The following CASTOR2 variants were observed in gnomAD, a reference collection of about 807,000 sequenced individuals.
CASTOR2 encodes GATS protein like 2.
A neutral mutation model predicts 31.2 loss-of-function variants in CASTOR2; 8 were observed. The observed-to-expected ratio is 0.26, with a 90% CI of 0.15 to 0.46. CASTOR2 has a LOEUF of 0.46. CASTOR2 is among the 20% of genes least tolerant of loss of function. The pLI, the probability that CASTOR2 is intolerant of heterozygous loss-of-function variation, is 0.99. For synonymous variants in CASTOR2, 162 were observed against 158.7 expected, an observed-to-expected ratio of 1.02 and a Z score of -0.16; for missense variants, 216 against 382.1, an observed-to-expected ratio of 0.57 and a Z score of 3.62.
chr7:75,028,157 G>C lies in CASTOR2; in HGVS notation c.*3458G>C, dbSNP rs1337690604. The C allele has an allele frequency of 7.5e-6, 10 of 1,340,962 alleles. No homozygotes were observed. The East Asian group carries it at 2.0e-4, about 27-fold the overall frequency. 83.1% of individuals were successfully genotyped at this position (1,340,962 alleles called of 1,614,324 possible). A position where few individuals can be genotyped will look rare whatever the true frequency, so the allele number is the denominator to read the frequency against. ...TTTTGAGACGGAGTCTTGCTCTGTC[G>C]CCCAGGCTGGAGTGCTGTGGCATGA... On this transcript the variant is annotated 3_prime_UTR_variant, in exon 9 of 9. Coordinates refer to ENST00000616305, the MANE Select transcript of CASTOR2 (RefSeq NM_001145064.3).
rs1265801865 is a variant in CASTOR2 at position 75,000,965 on chromosome 7, C to T, written c.114-7029C>T. 7.8e-3 allele frequency among the ~76,000 whole-genome samples: 1,195 copies of T among 152,260 alleles called. 17 individuals are homozygous for T. The highest frequency in any genetic ancestry group is 0.027 in the African/African-American group (1,137 of 41,546). The stretch of plus-strand genomic sequence containing the variant: ...GGCATGATCCACCGCACCCGGCAGG[C>T]CAGGCCGTTAATTCCAAAGGTCCTG... On this transcript the variant is annotated intron_variant, in intron 1 of 8. Transcript: ENST00000616305.
intron 1 of CASTOR2, among the ~76,000 whole-genome samples, chr7:74,988,011 T>C (rs1584463125): frequency 6.6e-6 from 1 of 151,820 alleles, no homozygotes; most frequent in Middle Eastern, 3.4e-3. Context: ...CCTGGCCTTT[T>C]TTTTTTTTTA....
At chr7:74,983,833 G>T (rs1193383912) in intron 1 of CASTOR2, among the ~76,000 whole-genome samples, 11 of 151,036 alleles carry the variant, frequency 7.3e-5, no homozygotes, top group Non-Finnish European at 1.3e-4. Flanking sequence ...GGTCACCCAG[G>T]CCAGAGTTCA....
At position 74,991,386 on chromosome 7, in the gene CASTOR2, G is replaced by C. The variant is rs1554437335; in HGVS notation, c.114-16608G>C. Among the ~76,000 whole-genome samples, 126 of 152,306 alleles carry C rather than the reference G, an allele frequency of 8.3e-4. 1 individual carries two copies. Among genetic ancestry groups the C allele is most frequent in the African/African-American group, 2.7e-3 (114 of 41,554 alleles). On this transcript the variant is annotated intron_variant, in intron 1 of 8. Coordinates refer to ENST00000616305, the MANE Select transcript of CASTOR2 (RefSeq NM_001145064.3). ...TTCCATAGTGAGCAGGGGATGCCCT[G>C]TCTGCCTGGCACACCACCCTCCTGT...
Position 75,024,877 on chromosome 7 carries a change from C to G in CASTOR2, c.*178C>G, listed in dbSNP as rs1455159795. Reference sequence around the variant, plus strand: ...AGGGCAGGGGCCCACGCCAAGGCCTCTCCATGCCCTCCTGCCTTCCCGGAG... The same window carrying G: ...AGGGCAGGGGCCCACGCCAAGGCCTGTCCATGCCCTCCTGCCTTCCCGGAG... On this transcript the variant is annotated 3_prime_UTR_variant, in exon 9 of 9. Transcript: ENST00000616305. The G allele has an allele frequency of 6.9e-7, 1 of 1,449,708 alleles. No individual in the cohort carries two copies. Among genetic ancestry groups the G allele is most frequent in the Non-Finnish European group, 9.4e-7 (1 of 1,066,768 alleles). The allele number at this position is 1,449,708 out of a possible 1,614,324, so 89.8% of individuals were successfully genotyped here.
intron 1 of CASTOR2, among the ~76,000 whole-genome samples, chr7:75,004,509 G>T (rs1394065038): frequency 6.9e-6 from 1 of 144,182 alleles, no homozygotes; most frequent in South Asian, 2.1e-4. Context: ...CTGGAGTGCA[G>T]TGGCACGATC....
rs1163201306 is a variant in CASTOR2, at chr7:75,005,613, C to T, written c.114-2381C>T. On this transcript the variant is annotated intron_variant, in intron 1 of 8. Transcript: ENST00000616305. The stretch of plus-strand genomic sequence containing the variant: ...ATGTATTTGCACCTAAGTCTTTGTG[C>T]GGGCACCTGTTCTCACTTCTCGCGG... Among the ~76,000 whole-genome samples the T allele has an allele frequency of 1.8e-3, 281 of 152,274 alleles. 1 individual carries two copies. Among genetic ancestry groups the T allele is most frequent in the African/African-American group, 6.5e-3 (268 of 41,550 alleles).
At chr7:75,011,047 G>A (rs1286239222) in intron 2 of CASTOR2, among the ~76,000 whole-genome samples, 1 of 151,884 alleles carries the variant, frequency 6.6e-6, no homozygotes, top group African/African-American at 2.4e-5. Flanking sequence ...TAGAGGTGGG[G>A]TTTGGTTTCA....
chr7:74,999,108 G>T (rs1804427749), intron 1 of CASTOR2, among the ~76,000 whole-genome samples: 1 of 151,936 alleles, frequency 6.6e-6, no homozygotes, highest in Admixed American at 6.6e-5. Context: ...CCATTCTCCT[G>T]CCTCAGCCTC....
intron 2 of CASTOR2, among the ~76,000 whole-genome samples, chr7:75,009,105 C>T (rs1382709062): frequency 4.0e-5 from 6 of 151,816 alleles, no homozygotes; most frequent in East Asian, 3.9e-4. Context: ...TACAGGTGCC[C>T]GCCGCCACGC....
At chr7:74,983,617 G>T (rs1803995955) in intron 1 of CASTOR2, among the ~76,000 whole-genome samples, 1 of 151,672 alleles carries the variant, frequency 6.6e-6, no homozygotes, top group Non-Finnish European at 1.5e-5. Flanking sequence ...CTCCTGCCCT[G>T]ACCCCCTCTG....
At chr7:74,989,243 C>T (rs1472439363) in intron 1 of CASTOR2, among the ~76,000 whole-genome samples, 16 of 148,084 alleles carry the variant, frequency 1.1e-4, no homozygotes, top group Admixed American at 2.8e-4. Context: ...GGATTACAGG[C>T]GTGAGCCACC....
chr7:74,984,385 G>T (rs1234528942), intron 1 of CASTOR2, among the ~76,000 whole-genome samples: 4 of 151,890 alleles, frequency 2.6e-5, no homozygotes, highest in African/African-American at 4.8e-5. Context: ...CGTTTGGCTC[G>T]TTGGAAGTGG....
intron 1 of CASTOR2, among the ~76,000 whole-genome samples, chr7:74,969,308 G>T (rs1322651691): frequency 8.9e-6 from 1 of 112,822 alleles, no homozygotes; most frequent in Non-Finnish European, 1.8e-5. Context: ...TTGGAGATAG[G>T]GTCTTCTTCT....
rs1422786407 is a variant in CASTOR2 at position 74,986,946 on chromosome 7, C to G, written c.114-21048C>G. 5.9e-3 allele frequency among the ~76,000 whole-genome samples: 891 copies of G among 152,214 alleles called. 20 individuals carry two copies. The highest frequency in any genetic ancestry group is 0.02 in the African/African-American group (851 of 41,536). On this transcript the variant is annotated intron_variant, in intron 1 of 8. Coordinates refer to ENST00000616305, the MANE Select transcript of CASTOR2 (RefSeq NM_001145064.3). Reference sequence around the variant, plus strand: ...TGGCACACGCCTGTAGTCCCAGCTACTCTGGAGGGCAAGGTGGGAGAATCT... The same window carrying G: ...TGGCACACGCCTGTAGTCCCAGCTAGTCTGGAGGGCAAGGTGGGAGAATCT...
intron 1 of CASTOR2, among the ~76,000 whole-genome samples, chr7:75,002,882 G>A (rs1161175247): frequency 6.6e-6 from 1 of 151,924 alleles, no homozygotes; most frequent in East Asian, 1.9e-4. Flanking sequence ...GAGGCCAGGA[G>A]TTCAAGACCC....
At chr7:74,984,418 C>T (rs1389621040) in intron 1 of CASTOR2, among the ~76,000 whole-genome samples, 40 of 152,018 alleles carry the variant, frequency 2.6e-4, no homozygotes, top group African/African-American at 8.5e-4. Flanking sequence ...GTGGGACCCT[C>T]GCCATGTGAC....
chr7:74,993,776 C>G (rs1469941382), intron 1 of CASTOR2, among the ~76,000 whole-genome samples: 2 of 144,128 alleles, frequency 1.4e-5, no homozygotes, highest in Admixed American at 1.4e-4. Context: ...TGCTGGTGAA[C>G]TGGTGGTAAA....
At position 75,019,030 on chromosome 7, in the gene CASTOR2, C is replaced by T. The variant is rs1282217327; in HGVS notation, c.570C>T (p.Ser190=). 2.6e-6 allele frequency: 4 copies of T among 1,551,810 alleles called. No homozygotes were observed. The highest frequency in any genetic ancestry group is 2.7e-5 in the African/African-American group (2 of 73,040). The change falls in exon 5 of 9, where the codon AGC becomes AGT. Residue 190 remains serine, a synonymous_variant. Transcript: ENST00000616305. The part of the protein sequence containing the change: ...SSPSNRFCVT[S]LDPDTLPAVA... Reference sequence around the variant, plus strand: ...CGAGCAACAGGTTCTGTGTCACCAGCCTGGACCCTGACACGCTGCCTGCTG... The same window carrying T: ...CGAGCAACAGGTTCTGTGTCACCAGTCTGGACCCTGACACGCTGCCTGCTG...
Sources: gnomAD v4.1 joint callset for allele counts (sites outside exome capture counted in the v4.1 genomes callset) on GRCh38, gnomAD v4.1.1 for gene constraint, MANE v1.5 for transcripts, NCBI Gene and HGNC (gene_info 2026-07-23, HGNC 2026-07-21) for gene names.